The following TCF15 variants were observed in gnomAD, a reference collection of about 807,000 sequenced individuals.
TCF15 encodes TCF-15.
A neutral mutation model predicts 11.1 loss-of-function variants in TCF15; 7 were observed. The ratio of observed to expected loss-of-function variants is 0.63; its 90% CI spans 0.36 to 1.19. The LOEUF (loss-of-function observed/expected upper bound fraction) is 1.19. TCF15 is among the 50% of genes most tolerant of loss of function. TCF15 has a pLI of 0.02. For synonymous variants in TCF15, 144 were observed against 138.9 expected (o/e 1.04, Z -0.26); for missense variants, 288 against 289.4 (o/e 1.00, Z 0.03).
In TCF15 at chr20:609,822, G is replaced by A. The variant is rs759041233; in HGVS notation, c.416C>T (p.Pro139Leu). The change falls in exon 1 of 2, where the codon CCG becomes CTG. Residue 139 changes from proline (P) to leucine (L), a missense_variant. Pro to Leu is a moderately conservative substitution (Grantham distance 98). Coordinates refer to ENST00000246080, the MANE Select transcript of TCF15 (RefSeq NM_004609.4). The surrounding 1 kb of genome is among the most constrained non-coding windows in gnomAD (Gnocchi z 4.7). ...LLGDSADDGQ[P>L]CFRAAGSAKG... ...GGCACTGCCCGCGGCACGGAAGCAC[G>A]GCTGCCCGTCGTCGGCCGAGTCGCC... The A allele has an allele frequency of 1.3e-6, 2 of 1,513,080 alleles. No homozygotes were observed. The highest frequency in any genetic ancestry group is 2.5e-5 in the South Asian group (2 of 79,742). 93.7% of individuals were successfully genotyped at this position (1,513,080 alleles called of 1,614,324 possible). A position where few individuals can be genotyped will look rare whatever the true frequency, so the allele number is the denominator to read the frequency against.
chr20:609,567 G>T lies in TCF15; in HGVS notation c.525+146C>A. On this transcript the variant is annotated intron_variant, in intron 1 of 1. Transcript: ENST00000246080. This position sits in a 1 kb window ranked among gnomAD's most constrained non-coding sequence, Gnocchi z 4.7. ...CCTGGGCATTAAGTCAGTGGTTCTG[G>T]GCTTGGGGTGCCGCACCCAGCACGA... 1 of 976,762 alleles carries T rather than the reference G, an allele frequency of 1.0e-6. No individual in the cohort carries two copies. Among genetic ancestry groups the T allele is most frequent in the Non-Finnish European group, 1.3e-6 (1 of 744,996 alleles). 60.5% of individuals were successfully genotyped at this position (976,762 alleles called of 1,614,324 possible). A position where few individuals can be genotyped will look rare whatever the true frequency, so the allele number is the denominator to read the frequency against.
intron 1 of TCF15, among the ~76,000 whole-genome samples, chr20:606,430 A>G (rs1382972944): frequency 6.6e-6 from 1 of 152,170 alleles, no homozygotes; most frequent in Non-Finnish European, 1.5e-5. Context: ...CAGTTTCTTC[A>G]TCTATGAAAT....
At chr20:605,639 C>T (rs1462781766) in intron 1 of TCF15, among the ~76,000 whole-genome samples, 1 of 152,238 alleles carries the variant, frequency 6.6e-6, no homozygotes, top group Non-Finnish European at 1.5e-5. Context: ...AGGCACCAAT[C>T]AAGGCCGCCT....
chr20:607,511 G>T (rs920837767), intron 1 of TCF15, among the ~76,000 whole-genome samples: 1 of 152,204 alleles, frequency 6.6e-6, no homozygotes, highest in African/African-American at 2.4e-5. Context: ...GTCTTCAAGG[G>T]GCCATAGCTG....
At chr20:607,395 TG>T (rs2019984775) in intron 1 of TCF15, among the ~76,000 whole-genome samples, 1 of 152,114 alleles carries the variant, frequency 6.6e-6, no homozygotes, top group Non-Finnish European at 1.5e-5. Flanking sequence ...AGGGAGGTGG[TG>T]GCTCAGGGTA....
rs1192606864 is a variant in TCF15, at chr20:610,242, G to A, written c.-5C>T. ...CCGCAGCAGCGCGAACGCCATGGGCGCCGGCCGCGTCCCTCCGTGCGCCGC... is the reference window on the plus strand; with the variant it reads ...CCGCAGCAGCGCGAACGCCATGGGCACCGGCCGCGTCCCTCCGTGCGCCGC... On this transcript the variant is annotated 5_prime_UTR_variant, in exon 1 of 2. Coordinates refer to ENST00000246080, the MANE Select transcript of TCF15 (RefSeq NM_004609.4). The A allele has an allele frequency of 3.0e-6, 3 of 995,806 alleles. No homozygotes were observed. The highest frequency in any genetic ancestry group is 4.4e-5 in the South Asian group (1 of 22,988). 61.7% of individuals were successfully genotyped at this position (995,806 alleles called of 1,614,324 possible). A position where few individuals can be genotyped will look rare whatever the true frequency, so the allele number is the denominator to read the frequency against.
Position 609,745 on chromosome 20 carries a change from A to G in TCF15, c.493T>C (p.Cys165Arg). 7.1e-7 allele frequency: 1 copy of G among 1,406,868 alleles called. No homozygotes were observed. The allele number at this position is 1,406,868 out of a possible 1,614,324, so 87.1% of individuals were successfully genotyped here. A position where few individuals can be genotyped will look rare whatever the true frequency, so the allele number is the denominator to read the frequency against. The change falls in exon 1 of 2, where the codon TGC (cysteine) becomes CGC (arginine). Residue 165 changes from cysteine to arginine, a missense_variant. Physicochemically the swap from Cys to Arg is radical, Grantham distance 180. Coordinates refer to ENST00000246080, the MANE Select transcript of TCF15 (RefSeq NM_004609.4). The surrounding 1 kb of genome is among the most constrained non-coding windows in gnomAD (Gnocchi z 4.7). ...CGCTGGTTGCTGAGGCAGAAGGTGC[A>G]GATGGAGCGCGGCTGGCGGCCGCCG... The part of the protein sequence containing the change: ...ADGGRQPRSI[C>R]TFCLSNQRKG...
rs771934514 is a variant in TCF15, at chr20:609,881, G to C, written c.357C>G (p.Ser119Arg). Residue 119 changes from serine (S) to arginine (R), a missense_variant, in exon 1 of 2, where the codon AGC becomes AGG. Transcript: ENST00000246080. The surrounding 1 kb of genome is among the most constrained non-coding windows in gnomAD (Gnocchi z 4.7). ...SKIETVRLASSYIAHLANVLL... is the reference protein window; with the variant it reads ...SKIETVRLASRYIAHLANVLL... ...GCACGTTGGCCAGGTGCGCGATGTA[G>C]CTGGACGCCAGGCGCACGGTCTCGA... is the stretch of plus-strand genomic sequence containing the variant. 2.0e-6 allele frequency: 3 copies of C among 1,527,950 alleles called. No homozygotes were observed. The highest frequency in any genetic ancestry group is 2.6e-6 in the Non-Finnish European group (3 of 1,148,128). 94.6% of individuals were successfully genotyped at this position (1,527,950 alleles called of 1,614,324 possible).
Position 609,713 on chromosome 20 carries a change from C to A in TCF15, c.525G>T (p.Gly175=). 15 of 1,372,472 alleles carry A rather than the reference C, an allele frequency of 1.1e-5. No individual in the cohort carries two copies. Among genetic ancestry groups the A allele is most frequent in the Non-Finnish European group, 1.4e-5 (15 of 1,075,498 alleles). The allele number at this position is 1,372,472 out of a possible 1,614,324, so 85.0% of individuals were successfully genotyped here. A position where few individuals can be genotyped will look rare whatever the true frequency, so the allele number is the denominator to read the frequency against. Residue 175 remains glycine (G), a splice_region_variant and synonymous_variant, in exon 1 of 2, where the codon GGG becomes GGT. Coordinates refer to ENST00000246080, the MANE Select transcript of TCF15 (RefSeq NM_004609.4). The surrounding 1 kb of genome is among the most constrained non-coding windows in gnomAD (Gnocchi z 4.7). ...CTFCLSNQRK[G]GGRRDLGGSC... ...GCAGCGAGGGACGCAGCACACTCAC[C>A]CCCTTGCGCTGGTTGCTGAGGCAGA...
chr20:610,191 G>C lies in TCF15; in HGVS notation c.47C>G (p.Pro16Arg). 1 of 1,048,068 alleles carries C rather than the reference G, an allele frequency of 9.5e-7. No homozygotes were observed. The highest frequency in any genetic ancestry group is 1.2e-6 in the Non-Finnish European group (1 of 866,114). 64.9% of individuals were successfully genotyped at this position (1,048,068 alleles called of 1,614,324 possible). Residue 16 changes from proline (P) to arginine (R), a missense_variant, in exon 1 of 2, where the codon CCG (proline) becomes CGG (arginine). Physicochemically the swap from Pro to Arg is moderately radical, Grantham distance 103. Coordinates refer to ENST00000246080, the MANE Select transcript of TCF15 (RefSeq NM_004609.4). ...LRPVGAHVLY[P>R]DVRLLSEDEE... ...GTCCTCGCTCAGCAGCCGCACGTCC[G>C]GGTACAGCACGTGCGCGCCGACGGG...
At chr20:607,117 G>A (rs1421413924) in intron 1 of TCF15, among the ~76,000 whole-genome samples, 1 of 152,186 alleles carries the variant, frequency 6.6e-6, no homozygotes, top group Non-Finnish European at 1.5e-5. Flanking sequence ...ATGTTCATAA[G>A]TATTATTATC....
intron 1 of TCF15, among the ~76,000 whole-genome samples, chr20:605,936 G>A (rs1363731857): frequency 6.6e-6 from 1 of 152,152 alleles, no homozygotes; most frequent in Non-Finnish European, 1.5e-5. Flanking sequence ...ACATGATAGT[G>A]TCTGAAATCC....
chr20:609,596 C>T lies in TCF15; in HGVS notation c.525+117G>A. The T allele has an allele frequency of 8.3e-7, 1 of 1,208,392 alleles. No homozygotes were observed. Among genetic ancestry groups the T allele is most frequent in the Non-Finnish European group, 1.0e-6 (1 of 952,728 alleles). 74.9% of individuals were successfully genotyped at this position (1,208,392 alleles called of 1,614,324 possible). On this transcript the variant is annotated intron_variant, in intron 1 of 1. Coordinates refer to ENST00000246080, the MANE Select transcript of TCF15 (RefSeq NM_004609.4). The surrounding 1 kb of genome is among the most constrained non-coding windows in gnomAD (Gnocchi z 4.7). ...TGGGGTGCCGCACCCAGCACGAATTCCACGTCGCTTCCCCCTGGCCTCGTT... is the reference window on the plus strand; with the variant it reads ...TGGGGTGCCGCACCCAGCACGAATTTCACGTCGCTTCCCCCTGGCCTCGTT...
At chr20:607,744 C>T (rs1207421237) in intron 1 of TCF15, among the ~76,000 whole-genome samples, 1 of 152,158 alleles carries the variant, frequency 6.6e-6, no homozygotes, top group Non-Finnish European at 1.5e-5. Flanking sequence ...ACAGGGACTT[C>T]CCTCTGTAAC....
In TCF15 at chr20:609,096, C is replaced by T. The variant is rs2020000601; in HGVS notation, c.525+617G>A. Among the ~76,000 whole-genome samples, 3 of 152,206 alleles carry T rather than the reference C, an allele frequency of 2.0e-5. No individual in the cohort carries two copies. The highest frequency in any genetic ancestry group is 4.2e-4 in the South Asian group (2 of 4,802). On this transcript the variant is annotated intron_variant, in intron 1 of 1. Transcript: ENST00000246080. The surrounding 1 kb of genome is among the most constrained non-coding windows in gnomAD (Gnocchi z 4.7). ...CCCTTCTTCACTCCTACTGCTCATC[C>T]GCTGGGTACCTCAGGCTCTCGGTTG...
Position 610,268 on chromosome 20 carries a change from G to A in TCF15, c.-31C>T, listed in dbSNP as rs1295422573. The A allele has an allele frequency of 2.0e-6, 2 of 988,804 alleles. No individual in the cohort carries two copies. The highest frequency in any genetic ancestry group is 2.4e-6 in the Non-Finnish European group (2 of 833,170). 61.3% of individuals were successfully genotyped at this position (988,804 alleles called of 1,614,324 possible). On this transcript the variant is annotated 5_prime_UTR_variant, in exon 1 of 2. It adds an upstream start codon to the 5' untranslated region. Transcript: ENST00000246080. Reference sequence around the variant, plus strand: ...CCGGCCGCGTCCCTCCGTGCGCCGCGTCCCAGCGTCGGCCGCGCCCCGCCG... The same window carrying A: ...CCGGCCGCGTCCCTCCGTGCGCCGCATCCCAGCGTCGGCCGCGCCCCGCCG...
At position 610,245 on chromosome 20, in the gene TCF15, G is replaced by T; in HGVS notation, c.-8C>A. 1.0e-6 allele frequency: 1 copy of T among 994,770 alleles called. No individual in the cohort carries two copies. The highest frequency in any genetic ancestry group is 1.2e-6 in the Non-Finnish European group (1 of 837,446). The allele number at this position is 994,770 out of a possible 1,614,324, so 61.6% of individuals were successfully genotyped here. A position where few individuals can be genotyped will look rare whatever the true frequency, so the allele number is the denominator to read the frequency against. On this transcript the variant is annotated 5_prime_UTR_variant, in exon 1 of 2. Coordinates refer to ENST00000246080, the MANE Select transcript of TCF15 (RefSeq NM_004609.4). ...CAGCAGCGCGAACGCCATGGGCGCC[G>T]GCCGCGTCCCTCCGTGCGCCGCGTC...
chr20:605,029 T>A (rs981872529), intron 1 of TCF15, among the ~76,000 whole-genome samples: 2 of 152,160 alleles, frequency 1.3e-5, no homozygotes, highest in East Asian at 3.9e-4. Flanking sequence ...TCTTGCTCTG[T>A]TGCCAGGCTG....
rs2020002159 is a variant in TCF15, at chr20:609,309, G to A, written c.525+404C>T. 6.6e-6 allele frequency among the ~76,000 whole-genome samples: 1 copy of A among 152,152 alleles called. No individual in the cohort carries two copies. The highest frequency in any genetic ancestry group is 2.1e-4 in the South Asian group (1 of 4,830). ...GCTCAGATCCTCATCAGGATAAAAT[G>A]GGCAGAAAAACTACCTGCCTGAAGG... is the stretch of plus-strand genomic sequence containing the variant. On this transcript the variant is annotated intron_variant, in intron 1 of 1. Coordinates refer to ENST00000246080, the MANE Select transcript of TCF15 (RefSeq NM_004609.4). This position sits in a 1 kb window ranked among gnomAD's most constrained non-coding sequence, Gnocchi z 4.7.
Sources: allele counts gnomAD v4.1 joint callset (sites outside exome capture counted in the v4.1 genomes callset), GRCh38; gene constraint gnomAD v4.1.1; non-coding constraint Gnocchi (gnomAD v3.1); transcripts MANE v1.5; gene names NCBI Gene and HGNC (gene_info 2026-07-23, HGNC 2026-07-21).